The following HS3ST4 variants were observed in gnomAD, a reference collection of about 807,000 sequenced individuals.
HS3ST4 encodes the protein heparan sulfate glucosamine 3-O-sulfotransferase 4.
In HS3ST4, 17 loss-of-function variants were observed where a neutral mutation model predicts 29.2. The observed-to-expected ratio is 0.58, with a 90% CI of 0.40 to 0.87. HS3ST4 has a LOEUF of 0.87. Ranked by LOEUF, HS3ST4 falls within the 40% of genes least tolerant of loss-of-function variation. The pLI, the probability that HS3ST4 is intolerant of heterozygous loss-of-function variation, is 0.00. For synonymous variants in HS3ST4, 314 were observed against 285.7 expected, an observed-to-expected ratio of 1.10 and a Z score of -1.00; for missense variants, 627 against 634.5, an observed-to-expected ratio of 0.99 and a Z score of 0.13.
chr16:26,069,449 A>T (rs1898577650), intron 1 of HS3ST4, among the ~76,000 whole-genome samples: 1 of 152,192 alleles, frequency 6.6e-6, no homozygotes, highest in Non-Finnish European at 1.5e-5. Flanking sequence ...GCTCCTCCAT[A>T]AAAGCACATC....
intron 1 of HS3ST4, among the ~76,000 whole-genome samples, chr16:25,701,552 G>A (rs1445789109): frequency 6.6e-6 from 1 of 152,174 alleles, no homozygotes; most frequent in African/African-American, 2.4e-5. Flanking sequence ...ATCCATCCCC[G>A]GCCAGGCATA....
At chr16:25,757,145 A>G (rs1966763112) in intron 1 of HS3ST4, among the ~76,000 whole-genome samples, 1 of 152,122 alleles carries the variant, frequency 6.6e-6, no homozygotes, top group South Asian at 2.1e-4. Flanking sequence ...CATAGATATC[A>G]TTGTGAATAG....
intron 1 of HS3ST4, among the ~76,000 whole-genome samples, chr16:26,081,189 A>G (rs1207615568): frequency 6.6e-6 from 1 of 151,836 alleles, no homozygotes; most frequent in Non-Finnish European, 1.5e-5. Flanking sequence ...TGGGAGGCTG[A>G]GGCAGAAGAA....
At chr16:25,711,321 G>A (rs904278478) in intron 1 of HS3ST4, among the ~76,000 whole-genome samples, 1 of 152,048 alleles carries the variant, frequency 6.6e-6, no homozygotes, top group Non-Finnish European at 1.5e-5. Flanking sequence ...CCAATGTGGG[G>A]CAGCTGAGGT....
chr16:25,740,193 C>T (rs186731453), intron 1 of HS3ST4, among the ~76,000 whole-genome samples: 32 of 152,134 alleles, frequency 2.1e-4, no homozygotes, highest in Non-Finnish European at 4.0e-4. Flanking sequence ...ACTGGACTAC[C>T]GTCGTGGCAA....
At chr16:26,059,018 C>T (rs2141770053) in intron 1 of HS3ST4, among the ~76,000 whole-genome samples, 1 of 152,170 alleles carries the variant, frequency 6.6e-6, no homozygotes, top group Middle Eastern at 3.4e-3. Flanking sequence ...GAGGGTCACA[C>T]CTTGCCAAGG....
chr16:25,781,130 T>C (rs1160733737), intron 1 of HS3ST4, among the ~76,000 whole-genome samples: 1 of 152,166 alleles, frequency 6.6e-6, no homozygotes, highest in Non-Finnish European at 1.5e-5. Flanking sequence ...CTCTCTGTCT[T>C]CTACCTCACC....
intron 1 of HS3ST4, among the ~76,000 whole-genome samples, chr16:26,073,952 C>T (rs1898630529): frequency 6.6e-6 from 1 of 152,178 alleles, no homozygotes; most frequent in Non-Finnish European, 1.5e-5. Context: ...CAATGTACTA[C>T]TTGAATATTA....
At chr16:25,911,982 G>T (rs954006074) in intron 1 of HS3ST4, among the ~76,000 whole-genome samples, 2 of 152,136 alleles carry the variant, frequency 1.3e-5, no homozygotes, top group Non-Finnish European at 2.9e-5. Flanking sequence ...ATGGGGTTTG[G>T]GTAAAGCAAG....
intron 1 of HS3ST4, among the ~76,000 whole-genome samples, chr16:25,695,716 TA>T (rs889783361): frequency 2.0e-5 from 3 of 152,258 alleles, no homozygotes; most frequent in African/African-American, 7.2e-5. Flanking sequence ...TATCTGTACC[TA>T]AACAGTATAG....
At chr16:25,979,432 C>T (rs975304454) in intron 1 of HS3ST4, among the ~76,000 whole-genome samples, 1 of 152,158 alleles carries the variant, frequency 6.6e-6, no homozygotes, top group East Asian at 1.9e-4. Context: ...TGAGCTCTGC[C>T]TCCTGTCAGA....
intron 1 of HS3ST4, among the ~76,000 whole-genome samples, chr16:25,949,087 A>G (rs1052874241): frequency 6.6e-6 from 1 of 151,726 alleles, no homozygotes; most frequent in African/African-American, 2.4e-5. Context: ...TTTCGTGGGT[A>G]CATAGTAGGT....
At chr16:25,915,261 C>T (rs921985319) in intron 1 of HS3ST4, among the ~76,000 whole-genome samples, 2 of 152,160 alleles carry the variant, frequency 1.3e-5, no homozygotes, top group Non-Finnish European at 2.9e-5. Flanking sequence ...GGTTCCACCG[C>T]GGAGCATCTC....
At chr16:26,082,969 G>A (rs754840215) in intron 1 of HS3ST4, among the ~76,000 whole-genome samples, 5 of 152,230 alleles carry the variant, frequency 3.3e-5, no homozygotes, top group East Asian at 1.9e-4. Flanking sequence ...GGGGTTTGTC[G>A]TAAGAATGGG....
chr16:25,999,826 T>TTATATATTATA (rs1969192243), intron 1 of HS3ST4, among the ~76,000 whole-genome samples: 1 of 111,498 alleles, frequency 9.0e-6, no homozygotes, highest in Non-Finnish European at 1.9e-5. Flanking sequence ...ATATATATAT[T>TTATATATTATA]TATATATTAT....
chr16:25,888,040 A>T (rs937129177), intron 1 of HS3ST4, among the ~76,000 whole-genome samples: 4 of 152,132 alleles, frequency 2.6e-5, no homozygotes, highest in Admixed American at 2.6e-4. Flanking sequence ...CCCATCAATC[A>T]TGTGACATCT....
chr16:25,713,715 A>G (rs942179696), intron 1 of HS3ST4, among the ~76,000 whole-genome samples: 3 of 152,146 alleles, frequency 2.0e-5, no homozygotes, highest in African/African-American at 7.2e-5. Flanking sequence ...ACACTCACCA[A>G]AGATCACAGG....
In HS3ST4 at chr16:26,109,619, G is replaced by A. The variant is rs186831215; in HGVS notation, c.735-25993G>A. Among the ~76,000 whole-genome samples, 3 of 151,956 alleles carry A rather than the reference G, an allele frequency of 2.0e-5. No individual in the cohort carries two copies. In the East Asian group the frequency reaches 5.8e-4, roughly 29 times the overall value. On this transcript the variant is annotated intron_variant, in intron 1 of 1. Transcript: ENST00000331351. ...AATCTATGAGATCAACACAGCCTTG[G>A]ATCGTTTCTCATCCCTGTATACACT...
At chr16:25,928,455 A>C (rs1596616957) in intron 1 of HS3ST4, among the ~76,000 whole-genome samples, 1 of 152,208 alleles carries the variant, frequency 6.6e-6, no homozygotes, top group South Asian at 2.1e-4. Context: ...ACAAAATCAC[A>C]AAAGTACCCT....
Sources: gnomAD v4.1 joint callset for allele counts (sites outside exome capture counted in the v4.1 genomes callset) on GRCh38, gnomAD v4.1.1 for gene constraint, MANE v1.5 for transcripts, NCBI Gene and HGNC (gene_info 2026-07-23, HGNC 2026-07-21) for gene names.